The following CUL2 variants were observed in gnomAD, a reference collection of about 807,000 sequenced individuals.
CUL2 encodes the protein cullin-2.
CUL2 carries 22 observed loss-of-function variants against 110.2 expected under a neutral mutation model. The observed-to-expected ratio is 0.20, with a 90% CI of 0.14 to 0.28. The LOEUF (loss-of-function observed/expected upper bound fraction) is 0.28. CUL2 is among the 10% of genes least tolerant of loss of function. The pLI, the probability that CUL2 is intolerant of heterozygous loss-of-function variation, is 1.00. For synonymous variants in CUL2, 279 were observed against 293.2 expected, an observed-to-expected ratio of 0.95 and a Z score of 0.49; for missense variants, 631 against 905.5, an observed-to-expected ratio of 0.70 and a Z score of 3.89.
At chr10:35,011,805 TGC>T (rs1444257568) in intron 20 of CUL2, 41 bp downstream of exon 20, 1 of 987,304 alleles carries the variant, frequency 1.0e-6, no homozygotes, top group Non-Finnish European at 1.6e-6. Flanking sequence ...ACAATGACAA[TGC>T]CCTCTACCCT....
At position 35,031,384 on chromosome 10, in the gene CUL2, G is replaced by T. The variant is rs764651797; in HGVS notation, c.1302C>A (p.Phe434Leu). Residue 434 changes from phenylalanine (F) to leucine (L), a missense_variant and splice_region_variant, in exon 14 of 21, where the codon TTC (phenylalanine) becomes TTA (leucine). This residue lies in a region of CUL2 where 134 missense variants were observed against 260.4 expected (regional missense o/e 0.51). Coordinates refer to ENST00000374749, the MANE Select transcript of CUL2 (RefSeq NM_003591.4). The surrounding 1 kb of genome is among the most constrained non-coding windows in gnomAD (Gnocchi z 4.4). ...YIDDKDVFQK[F>L]YARMLAKRLI... ...AACGTTTTGCCAGCATTCTTGCGTA[G>T]AACTACATTTAAAAATATTTTAAAA... 12 of 1,606,252 alleles carry T rather than the reference G, an allele frequency of 7.5e-6. No individual in the cohort carries two copies. Among genetic ancestry groups the T allele is most frequent in the Non-Finnish European group, 8.5e-6 (10 of 1,175,864 alleles).
At chr10:35,071,037 A>G (rs752298963) in intron 2 of CUL2, among the ~76,000 whole-genome samples, 162 bp downstream of exon 2, 1 of 152,230 alleles carries the variant, frequency 6.6e-6, no homozygotes, top group Non-Finnish European at 1.5e-5. Flanking sequence ...AGGTTATCAA[A>G]TACTGATTGC....
At chr10:35,123,275 A>G (rs1285052851) in intron 1 of CUL2, among the ~76,000 whole-genome samples, 1 of 152,252 alleles carries the variant, frequency 6.6e-6, no homozygotes, top group Non-Finnish European at 1.5e-5. Flanking sequence ...TTTAAAATAT[A>G]TAAAGCATTC....
chr10:35,048,930 T>C (rs1193736745), intron 6 of CUL2, among the ~76,000 whole-genome samples: 1 of 152,214 alleles, frequency 6.6e-6, no homozygotes, highest in Non-Finnish European at 1.5e-5. Context: ...AAAAAACTCC[T>C]TATTTAGGTC....
chr10:35,044,436 TGATTAAATA>T (rs2085883109), intron 8 of CUL2, 121 bp downstream of exon 8: 3 of 581,204 alleles, frequency 5.2e-6, no homozygotes, highest in East Asian at 3.0e-5. Context: ...TCAGAGTTAA[TGATTAAATA>T]GATTAAATAA....
intron 14 of CUL2, among the ~76,000 whole-genome samples, chr10:35,030,899 A>G (rs1196387991): frequency 6.6e-6 from 1 of 152,198 alleles, no homozygotes; most frequent in Non-Finnish European, 1.5e-5. Context: ...TGCATATTAT[A>G]TTCAAAATGT....
intron 17 of CUL2, among the ~76,000 whole-genome samples, chr10:35,017,152 G>C (rs2085057557): frequency 6.6e-6 from 1 of 151,976 alleles, no homozygotes; most frequent in Non-Finnish European, 1.5e-5. Flanking sequence ...CAGCCACATG[G>C]AAAATGCTTT....
At chr10:35,108,713 A>G (rs1381252122) in intron 1 of CUL2, among the ~76,000 whole-genome samples, 2 of 152,116 alleles carry the variant, frequency 1.3e-5, no homozygotes, top group Non-Finnish European at 2.9e-5. Context: ...GATTTCAGTC[A>G]AAGTATTGGC....
chr10:35,116,916 C>G (rs1259671623), intron 1 of CUL2, among the ~76,000 whole-genome samples: 5 of 150,208 alleles, frequency 3.3e-5, no homozygotes, highest in Non-Finnish European at 7.4e-5. Flanking sequence ...GAGACTGTGC[C>G]ACTGCACTCC....
chr10:35,109,603 G>A (rs960039500), intron 1 of CUL2, among the ~76,000 whole-genome samples: 2 of 152,212 alleles, frequency 1.3e-5, no homozygotes, highest in Non-Finnish European at 2.9e-5. Flanking sequence ...GCGTTTACAC[G>A]GCAAGGAGAG....
At chr10:35,066,307 CTTTT>C (rs915291009) in intron 2 of CUL2, among the ~76,000 whole-genome samples, 1 of 145,574 alleles carries the variant, frequency 6.9e-6, no homozygotes. Flanking sequence ...AATTTGCTGA[CTTTT>C]TTTTTTTTTG....
At position 35,025,214 on chromosome 10, in the gene CUL2, AAAAAC is replaced by A. The variant is rs775992545; in HGVS notation, c.1618-21_1618-17del. The A allele has an allele frequency of 2.8e-5, 43 of 1,560,992 alleles. No homozygotes were observed. In the African/African-American group the frequency reaches 4.4e-4, roughly 16 times the overall value. ...ATAATTCAAACTGTAAAAAAAAAAA[AAAAAC>A]ACACATTATTTTTAGCTACTATAAC... On this transcript the variant is annotated splice_polypyrimidine_tract_variant and intron_variant, in intron 16 of 20. Transcript: ENST00000374749.
At chr10:35,092,921 G>A (rs2135090269), upstream of CUL2, among the ~76,000 whole-genome samples, 1 of 152,136 alleles carries the variant, frequency 6.6e-6, no homozygotes, top group Non-Finnish European at 1.5e-5. Context: ...ACTGCTCAGG[G>A]GTCATGTGGC....
chr10:35,060,828 G>A (rs752044857), intron 4 of CUL2, 46 bp downstream of exon 4: 2 of 1,457,008 alleles, frequency 1.4e-6, no homozygotes, highest in Admixed American at 2.0e-5. Flanking sequence ...ACTACTGAAT[G>A]CAGGCAACGC....
intron 1 of CUL2, among the ~76,000 whole-genome samples, chr10:35,083,870 T>A (rs999798760): frequency 1.1e-4 from 17 of 152,198 alleles, no homozygotes; most frequent in Non-Finnish European, 1.8e-4. Flanking sequence ...GAGATATTTT[T>A]AAAAATTTAC....
At chr10:35,037,786 T>A (rs1456027804) in intron 9 of CUL2, among the ~76,000 whole-genome samples, 2 of 151,896 alleles carry the variant, frequency 1.3e-5, no homozygotes, top group African/African-American at 2.4e-5. Context: ...GAGGTTATAG[T>A]GAACAGAGAT....
At chr10:35,086,712 C>T (rs1000472835) in intron 1 of CUL2, among the ~76,000 whole-genome samples, 2 of 151,670 alleles carry the variant, frequency 1.3e-5, no homozygotes, top group Non-Finnish European at 2.9e-5. Flanking sequence ...AGAGCGAACA[C>T]CATCTCAAAA....
chr10:35,035,420 C>G (rs779726920), intron 9 of CUL2, 124 bp from the exon 10 acceptor site: 2 of 960,312 alleles, frequency 2.1e-6, no homozygotes, highest in Non-Finnish European at 3.1e-6. Context: ...GAAAAGTCCC[C>G]CATGCCCACC....
intron 17 of CUL2, among the ~76,000 whole-genome samples, chr10:35,022,433 G>T (rs2085225724): frequency 6.6e-6 from 1 of 152,112 alleles, no homozygotes. Flanking sequence ...AAATAGACTA[G>T]GCAAGAATAA....
Sources: gnomAD v4.1 joint callset for allele counts (sites outside exome capture counted in the v4.1 genomes callset) on GRCh38, gnomAD v4.1.1 for gene constraint, gnomAD v4.1.1 regional missense constraint, Gnocchi (gnomAD v3.1) non-coding constraint, MANE v1.5 for transcripts, NCBI Gene and HGNC (gene_info 2026-07-23, HGNC 2026-07-21) for gene names.